NAALADL2: variants seen among roughly 807,000 people sequenced by gnomAD.
NAALADL2 encodes the protein inactive N-acetylated-alpha-linked acidic dipeptidase-like protein 2.
Under a neutral mutation model 87.2 loss-of-function variants are expected in NAALADL2, and 76 were observed. The observed-to-expected ratio is 0.87, with a 90% CI of 0.72 to 1.05. The LOEUF (loss-of-function observed/expected upper bound fraction) is 1.05, where lower values mean the gene tolerates loss of function less well. Ranked by LOEUF, NAALADL2 falls within the 50% of genes least tolerant of loss-of-function variation. The pLI is 0.00. For synonymous variants in NAALADL2, 354 were observed against 331.0 expected, an observed-to-expected ratio of 1.07 and a Z score of -0.75; for missense variants, 1,089 against 945.8, an observed-to-expected ratio of 1.15 and a Z score of -1.99.
chr3:174,754,143 C>T (rs145921569), intron 3 of NAALADL2, among the ~76,000 whole-genome samples: 75 of 152,246 alleles, frequency 4.9e-4, no homozygotes, highest in East Asian at 3.3e-3. Context: ...CTAACTGTTA[C>T]GTCTTTTTTA....
chr3:175,694,855 G>A (rs2149932299), intron 11 of NAALADL2, among the ~76,000 whole-genome samples: 1 of 152,008 alleles, frequency 6.6e-6, no homozygotes, highest in African/African-American at 2.4e-5. Context: ...AGAAATTCAG[G>A]TAAATGAGTT....
intron 1 of NAALADL2, among the ~76,000 whole-genome samples, chr3:174,450,783 T>C (rs1263930112): frequency 3.4e-5 from 5 of 148,280 alleles, no homozygotes; most frequent in African/African-American, 1.0e-4. Context: ...GGCAGGAGAA[T>C]TGCTTGAACC....
chr3:175,213,705 T>C (rs1388819462), intron 2 of NAALADL2, among the ~76,000 whole-genome samples: 1 of 152,174 alleles, frequency 6.6e-6, no homozygotes, highest in Non-Finnish European at 1.5e-5. Flanking sequence ...TATTTAACCA[T>C]AGCAACCCAT....
intron 5 of NAALADL2, among the ~76,000 whole-genome samples, chr3:175,437,842 T>A (rs1718977585): frequency 2.0e-5 from 3 of 152,156 alleles, no homozygotes; most frequent in Non-Finnish European, 4.4e-5. Context: ...CATATTTTGC[T>A]TTACAAATGG....
rs79907189 is a variant in NAALADL2, at chr3:175,741,914, A to G, written c.1990+4515A>G. On this transcript the variant is annotated intron_variant, in intron 12 of 13. Transcript: ENST00000454872. ...ATGACATGGACTCAGACATCAATTA[A>G]TATATGTAATATATGTACATTGGTT... Among the ~76,000 whole-genome samples, 842 of 152,330 alleles carry G rather than the reference A, an allele frequency of 5.5e-3. 9 individuals carry two copies. The highest frequency in any genetic ancestry group is 0.019 in the African/African-American group (807 of 41,560).
chr3:174,972,856 C>A (rs562970306), intron 1 of NAALADL2, among the ~76,000 whole-genome samples: 2 of 151,848 alleles, frequency 1.3e-5, no homozygotes. Context: ...ATTAGCCAGG[C>A]GTGGTGATGC....
At chr3:174,549,605 A>C (rs1560047619) in intron 1 of NAALADL2, among the ~76,000 whole-genome samples, 1 of 152,240 alleles carries the variant, frequency 6.6e-6, no homozygotes, top group Non-Finnish European at 1.5e-5. Flanking sequence ...ATGGGCAAAC[A>C]GTTACTTATT....
At chr3:174,619,842 A>T (rs1335555374) in intron 2 of NAALADL2, among the ~76,000 whole-genome samples, 1 of 152,000 alleles carries the variant, frequency 6.6e-6, no homozygotes, top group East Asian at 1.9e-4. Context: ...CATCTATGAC[A>T]TAAAATAGCA....
chr3:174,713,357 T>C (rs2108924049), intron 2 of NAALADL2, among the ~76,000 whole-genome samples: 1 of 152,328 alleles, frequency 6.6e-6, no homozygotes, highest in South Asian at 2.1e-4. Flanking sequence ...TTTCTAGTTC[T>C]AGATCCCTGA....
chr3:174,493,247 T>G (rs988046691), intron 1 of NAALADL2, among the ~76,000 whole-genome samples: 3 of 152,150 alleles, frequency 2.0e-5, no homozygotes, highest in Non-Finnish European at 2.9e-5. Context: ...GAAGTGATAA[T>G]GTTAAAATGA....
chr3:175,751,944 T>C (rs960234926), intron 12 of NAALADL2, among the ~76,000 whole-genome samples: 4 of 152,064 alleles, frequency 2.6e-5, no homozygotes, highest in Non-Finnish European at 4.4e-5. Flanking sequence ...CTTTTAAATA[T>C]TTTTCCTTTA....
At chr3:174,604,629 T>TGTGC in intron 2 of NAALADL2, among the ~76,000 whole-genome samples, 1 of 152,060 alleles carries the variant, frequency 6.6e-6, no homozygotes, top group South Asian at 2.1e-4. Context: ...TTCTGTTGTG[T>TGTGC]GTGTGTGTGT....
chr3:175,223,362 C>T (rs1220338017), intron 2 of NAALADL2, among the ~76,000 whole-genome samples: 2 of 149,376 alleles, frequency 1.3e-5, no homozygotes, highest in African/African-American at 2.5e-5. Flanking sequence ...TTTCATTTCA[C>T]ATAATTGAGA....
At chr3:174,748,326 A>ATT (rs139625065) in intron 3 of NAALADL2, among the ~76,000 whole-genome samples, 1,469 of 136,798 alleles carry the variant, frequency 0.011, 12 homozygotes, top group African/African-American at 0.013. Flanking sequence ...AATAAATTAC[A>ATT]TTTTTTTTTT....
At chr3:175,427,042 G>A (rs923703164) in intron 5 of NAALADL2, among the ~76,000 whole-genome samples, 2 of 152,124 alleles carry the variant, frequency 1.3e-5, no homozygotes, top group Admixed American at 6.6e-5. Context: ...TTTAACTCTG[G>A]TAGATACTTC....
intron 1 of NAALADL2, among the ~76,000 whole-genome samples, chr3:175,088,866 G>A (rs559492298): frequency 6.6e-6 from 1 of 152,246 alleles, no homozygotes; most frequent in African/African-American, 2.4e-5. Context: ...ACACTTTGAA[G>A]CCTTCTTTTT....
intron 2 of NAALADL2, among the ~76,000 whole-genome samples, chr3:174,607,282 C>T (rs562137722): frequency 1.3e-5 from 2 of 151,302 alleles, no homozygotes; most frequent in African/African-American, 2.4e-5. Context: ...AACCAGCTAA[C>T]ATCATAATGA....
intron 4 of NAALADL2, among the ~76,000 whole-genome samples, chr3:175,321,475 A>C (rs1759856428): frequency 1.0e-5 from 1 of 95,964 alleles, no homozygotes; most frequent in African/African-American, 5.4e-5. Flanking sequence ...TAGTGTTGGA[A>C]GTTCTGGCCA....
At chr3:174,904,156 C>T (rs1732684253) in intron 1 of NAALADL2, among the ~76,000 whole-genome samples, 1 of 151,540 alleles carries the variant, frequency 6.6e-6, no homozygotes, top group African/African-American at 2.4e-5. Flanking sequence ...ATATACAATC[C>T]ACCTTATTTG....
Sources: gnomAD v4.1 joint callset for allele counts (sites outside exome capture counted in the v4.1 genomes callset) on GRCh38, gnomAD v4.1.1 for gene constraint, MANE v1.5 for transcripts, NCBI Gene and HGNC (gene_info 2026-07-23, HGNC 2026-07-21) for gene names.